The following ARB2A variants were observed in gnomAD, a reference collection of about 807,000 sequenced individuals.
The protein encoded by ARB2A is cotranscriptional regulator ARB2A.
At chr5:94,084,157 C>T in the ARB2A span, among the ~76,000 whole-genome samples, 1 of 151,372 alleles carries the variant, frequency 6.6e-6, no homozygotes, top group Non-Finnish European at 1.5e-5. Flanking sequence ...ACCTGTAATC[C>T]CAGCTACTTG....
At chr5:93,822,965 A>T in the ARB2A span, among the ~76,000 whole-genome samples, 5 of 152,164 alleles carry the variant, frequency 3.3e-5, no homozygotes, top group African/African-American at 1.2e-4. Context: ...TGGGTAAGCA[A>T]TAAGACATAG....
At chr5:93,937,799 A>G in the ARB2A span, among the ~76,000 whole-genome samples, 1 of 152,174 alleles carries the variant, frequency 6.6e-6, no homozygotes. Context: ...CTCATAGCCT[A>G]CATACATCCT....
the ARB2A span, among the ~76,000 whole-genome samples, chr5:94,102,398 A>G: frequency 3.3e-3 from 509 of 152,270 alleles, 1 homozygote; most frequent in South Asian, 8.9e-3. Flanking sequence ...CTGAGAAAAG[A>G]ATAGACAAAA....
the ARB2A span, among the ~76,000 whole-genome samples, chr5:93,822,769 A>G: frequency 6.6e-6 from 1 of 152,074 alleles, no homozygotes; most frequent in African/African-American, 2.4e-5. Flanking sequence ...TATATATATC[A>G]AAATAAATAA....
chr5:94,104,215 C>T, the ARB2A span, among the ~76,000 whole-genome samples: 7,030 of 151,120 alleles, frequency 0.047, 370 homozygotes, highest in Admixed American at 0.15. Context: ...GAAACCAAAA[C>T]GTCGTTCTCT....
At chr5:93,842,184 A>G in the ARB2A span, among the ~76,000 whole-genome samples, 1 of 152,182 alleles carries the variant, frequency 6.6e-6, no homozygotes, top group Non-Finnish European at 1.5e-5. Flanking sequence ...AAAGGGGCAC[A>G]AGAGGAAACT....
At chr5:93,747,072 G>A in the ARB2A span, among the ~76,000 whole-genome samples, 1 of 152,072 alleles carries the variant, frequency 6.6e-6, no homozygotes, top group East Asian at 1.9e-4. Flanking sequence ...TTTAGAGCAG[G>A]AGATGCACAA....
At chr5:93,947,024 T>C in the ARB2A span, among the ~76,000 whole-genome samples, 2 of 152,212 alleles carry the variant, frequency 1.3e-5, no homozygotes, top group African/African-American at 2.4e-5. Context: ...CTCTGTGCTA[T>C]ATTCTGCATA....
At chr5:93,622,190 T>G in the ARB2A span, among the ~76,000 whole-genome samples, 18 of 152,316 alleles carry the variant, frequency 1.2e-4, no homozygotes, top group Non-Finnish European at 2.2e-4. Context: ...AATTAAAAAT[T>G]AAAATAATTA....
the ARB2A span, among the ~76,000 whole-genome samples, chr5:93,729,172 C>T: frequency 7.2e-5 from 11 of 151,998 alleles, no homozygotes; most frequent in Admixed American, 4.6e-4. Flanking sequence ...CGTTGTTCCC[C>T]GTTCTTAAGA....
the ARB2A span, among the ~76,000 whole-genome samples, chr5:93,806,133 G>A: frequency 6.6e-6 from 1 of 151,718 alleles, no homozygotes; most frequent in East Asian, 1.9e-4. Flanking sequence ...AATTCAGAGA[G>A]CTACACTTGC....
chr5:93,939,176 AAATC>A, the ARB2A span, among the ~76,000 whole-genome samples: 1 of 152,132 alleles, frequency 6.6e-6, no homozygotes, highest in African/African-American at 2.4e-5. Context: ...ATTTTTTTTT[AAATC>A]AAACCTACAA....
chr5:93,771,146 C>T, the ARB2A span, among the ~76,000 whole-genome samples: 14 of 151,980 alleles, frequency 9.2e-5, no homozygotes, highest in Non-Finnish European at 1.9e-4. Flanking sequence ...TCAGAAATAA[C>T]GCCGCATATC....
the ARB2A span, among the ~76,000 whole-genome samples, chr5:94,002,400 T>TA: frequency 3.9e-5 from 6 of 152,030 alleles, no homozygotes; most frequent in Admixed American, 3.3e-4. Context: ...TTTTAACTCT[T>TA]ACACTTGTCT....
At chr5:93,734,099 CAA>C in the ARB2A span, 1 of 152,054 alleles carries the variant, frequency 6.6e-6, no homozygotes, top group Non-Finnish European at 1.5e-5. Flanking sequence ...GGCAGGTATC[CAA>C]ACACCTCATG....
chr5:93,857,012 C>T, the ARB2A span, among the ~76,000 whole-genome samples: 1 of 152,202 alleles, frequency 6.6e-6, no homozygotes, highest in Non-Finnish European at 1.5e-5. Flanking sequence ...ACAGGACCCT[C>T]AGCTGCAGGT....
the ARB2A span, among the ~76,000 whole-genome samples, chr5:94,023,563 T>C: frequency 1.6e-4 from 24 of 152,222 alleles, no homozygotes; most frequent in African/African-American, 5.8e-4. Flanking sequence ...TGTGGTCTAA[T>C]AGTAACCTGC....
the ARB2A span, among the ~76,000 whole-genome samples, chr5:94,015,764 CATG>C: frequency 6.6e-6 from 1 of 151,850 alleles, no homozygotes; most frequent in Non-Finnish European, 1.5e-5. Flanking sequence ...TTGTAAACCT[CATG>C]ATAACCACAA....
chr5:93,797,472 A>G, the ARB2A span, among the ~76,000 whole-genome samples: 1 of 152,176 alleles, frequency 6.6e-6, no homozygotes, highest in Non-Finnish European at 1.5e-5. Context: ...ATCAGTATTT[A>G]TTATGGTAGG....
Sources: allele counts gnomAD v4.1 joint callset (sites outside exome capture counted in the v4.1 genomes callset), GRCh38; gene constraint gnomAD v4.1.1; transcripts MANE v1.5; gene names NCBI Gene and HGNC (gene_info 2026-07-23, HGNC 2026-07-21).